Variants in SIL1 observed in about 807,000 individuals in gnomAD.
SIL1 encodes SIL1 nucleotide exchange factor.
Under a neutral mutation model 49.1 loss-of-function variants are expected in SIL1, and 40 were observed. The observed-to-expected ratio is 0.81, with a 90% confidence interval of 0.63 to 1.06. The LOEUF is 1.06. Ranked by LOEUF, SIL1 falls within the 50% of genes least tolerant of loss-of-function variation. The pLI, the probability that SIL1 is intolerant of heterozygous loss-of-function variation, is 0.00. For missense variants in SIL1, 500 were observed against 572.6 expected, an observed-to-expected ratio of 0.87 and a Z score of 1.29; for synonymous variants, 253 against 250.8, an observed-to-expected ratio of 1.01 and a Z score of -0.08.
intron 3 of SIL1, among the ~76,000 whole-genome samples, chr5:139,074,447 A>G (rs1769900605): frequency 6.6e-6 from 1 of 152,274 alleles, no homozygotes; most frequent in Non-Finnish European, 1.5e-5. Flanking sequence ...AAATAAAAAT[A>G]TAAACTATAT....
At chr5:139,151,323 G>T (rs922554277) in intron 1 of SIL1, among the ~76,000 whole-genome samples, 1 of 152,238 alleles carries the variant, frequency 6.6e-6, no homozygotes, top group East Asian at 1.9e-4. Context: ...AGCACCTACC[G>T]TGTACTAGTG....
chr5:139,132,278 C>T (rs1286182450), intron 1 of SIL1, among the ~76,000 whole-genome samples: 1 of 152,194 alleles, frequency 6.6e-6, no homozygotes, highest in East Asian at 1.9e-4. Context: ...TTCCCCCACT[C>T]CTTGGAGTGG....
intron 1 of SIL1, among the ~76,000 whole-genome samples, chr5:139,182,304 G>A (rs1248710171): frequency 6.6e-6 from 1 of 152,278 alleles, no homozygotes; most frequent in Middle Eastern, 3.4e-3. Flanking sequence ...TGAGCAGGGC[G>A]AGTCATCCAC....
At chr5:139,057,516 C>T (rs535212501) in intron 3 of SIL1, among the ~76,000 whole-genome samples, 1 of 152,020 alleles carries the variant, frequency 6.6e-6, no homozygotes, top group South Asian at 2.1e-4. Flanking sequence ...AGGCCGCAGG[C>T]TACCAGAGCA....
At chr5:138,993,810 G>T (rs1279887201) in intron 7 of SIL1, among the ~76,000 whole-genome samples, 1 of 152,174 alleles carries the variant, frequency 6.6e-6, no homozygotes, top group African/African-American at 2.4e-5. Context: ...TGCCATATTA[G>T]ACCCTAGCTC....
intron 7 of SIL1, among the ~76,000 whole-genome samples, chr5:138,974,042 C>T (rs976749857): frequency 1.3e-5 from 2 of 152,140 alleles, no homozygotes; most frequent in Admixed American, 6.5e-5. Context: ...CCTCAGGTCT[C>T]TCCGTGCACC....
At chr5:139,151,337 G>A (rs1382419755) in intron 1 of SIL1, among the ~76,000 whole-genome samples, 1 of 152,174 alleles carries the variant, frequency 6.6e-6, no homozygotes, top group Admixed American at 6.5e-5. Flanking sequence ...ACTAGTGCAA[G>A]GTGCTGGGAA....
intron 1 of SIL1, among the ~76,000 whole-genome samples, chr5:139,169,780 C>G (rs1751699819): frequency 6.6e-6 from 1 of 151,580 alleles, no homozygotes; most frequent in African/African-American, 2.4e-5. Flanking sequence ...CACGCCCGGC[C>G]CAAGTATGGT....
At chr5:139,034,996 G>T (rs376090001) in intron 5 of SIL1, among the ~76,000 whole-genome samples, 10 of 152,110 alleles carry the variant, frequency 6.6e-5, no homozygotes, top group Admixed American at 4.6e-4. Flanking sequence ...CTGTGGTTTT[G>T]ATTTGCTTTT....
chr5:139,133,419 G>C, intron 1 of SIL1: 1 of 152,274 alleles, frequency 6.6e-6, no homozygotes, highest in Non-Finnish European at 1.5e-5. Flanking sequence ...ACCTCTCTCA[G>C]TGCCTCATGT....
At chr5:139,126,388 G>A (rs1750753917) in intron 2 of SIL1, among the ~76,000 whole-genome samples, 1 of 152,226 alleles carries the variant, frequency 6.6e-6, no homozygotes, top group Admixed American at 6.5e-5. Flanking sequence ...CGGTCCTTAA[G>A]TAAATTCATC....
At chr5:138,957,841 C>A (rs1272226218) in intron 7 of SIL1, among the ~76,000 whole-genome samples, 1 of 152,106 alleles carries the variant, frequency 6.6e-6, no homozygotes, top group Non-Finnish European at 1.5e-5. Context: ...ACACAGTAAT[C>A]TACAGATATT....
chr5:139,063,655 A>G (rs1769642469), intron 3 of SIL1, among the ~76,000 whole-genome samples: 1 of 152,240 alleles, frequency 6.6e-6, no homozygotes, highest in Non-Finnish European at 1.5e-5. Flanking sequence ...AAGGAGGGAA[A>G]CAAATTGGAA....
At chr5:139,187,168 G>T (rs1319843336) in intron 1 of SIL1, among the ~76,000 whole-genome samples, 3 of 152,162 alleles carry the variant, frequency 2.0e-5, no homozygotes, top group Non-Finnish European at 4.4e-5. Context: ...TTGCAATGGG[G>T]ATACAGATGA....
intron 5 of SIL1, among the ~76,000 whole-genome samples, chr5:139,039,177 C>T (rs1440425316): frequency 2.0e-5 from 3 of 152,216 alleles, no homozygotes; most frequent in Non-Finnish European, 2.9e-5. Context: ...GGAAGCAGAA[C>T]ACTGCCTTCT....
At chr5:139,074,596 C>T (rs1287305427) in intron 3 of SIL1, among the ~76,000 whole-genome samples, 1 of 152,162 alleles carries the variant, frequency 6.6e-6, no homozygotes, top group Non-Finnish European at 1.5e-5. Flanking sequence ...TGCCTTTATT[C>T]CACATGACCT....
intron 5 of SIL1, among the ~76,000 whole-genome samples, chr5:139,039,192 C>CT (rs1768985168): frequency 6.6e-6 from 1 of 152,214 alleles, no homozygotes; most frequent in African/African-American, 2.4e-5. Context: ...CCTTCTACCA[C>CT]TTTTTACTGC....
chr5:139,049,162 A>C (rs1429767518), intron 4 of SIL1, among the ~76,000 whole-genome samples: 3 of 152,118 alleles, frequency 2.0e-5, no homozygotes, highest in African/African-American at 7.2e-5. Context: ...TCTAACTGCA[A>C]AATACTGGGT....
chr5:138,988,711 A>T (rs1031539675), intron 7 of SIL1, among the ~76,000 whole-genome samples: 1 of 152,156 alleles, frequency 6.6e-6, no homozygotes, highest in Non-Finnish European at 1.5e-5. Flanking sequence ...CATCTCTACA[A>T]AAAATTTTTA....
Sources: allele counts gnomAD v4.1 joint callset (sites outside exome capture counted in the v4.1 genomes callset), GRCh38; gene constraint gnomAD v4.1.1; transcripts MANE v1.5; gene names NCBI Gene and HGNC (gene_info 2026-07-23, HGNC 2026-07-21).